Variants in HMGCLL1 observed in about 807,000 individuals in gnomAD.
HMGCLL1 encodes 3-hydroxy-3-methylglutaryl-CoA lyase like 1, also known as 3-hydroxymethyl-3-methylglutaryl-CoA lyase, cytoplasmic.
HMGCLL1 carries 36 observed loss-of-function variants against 39.1 expected under a neutral mutation model. The observed-to-expected ratio is 0.92, with a 90% CI of 0.71 to 1.22. The LOEUF is 1.22. Ranked by LOEUF, HMGCLL1 falls within the 50% of genes most tolerant of loss-of-function variation. The pLI, the probability that HMGCLL1 is intolerant of heterozygous loss-of-function variation, is 0.00. For missense variants in HMGCLL1, 451 were observed against 416.5 expected (o/e 1.08, Z -0.72); for synonymous variants, 149 against 144.0 (o/e 1.03, Z -0.25).
At chr6:55,604,715 GA>G in the HMGCLL1 span, among the ~76,000 whole-genome samples, 3 of 152,160 alleles carry the variant, frequency 2.0e-5, no homozygotes, top group East Asian at 3.9e-4. Flanking sequence ...CCATTTGGCA[GA>G]AAACCCAAAT....
upstream of HMGCLL1, among the ~76,000 whole-genome samples, chr6:55,581,692 G>A (rs1169295848): frequency 2.6e-5 from 4 of 151,966 alleles, no homozygotes; most frequent in Admixed American, 2.6e-4. Context: ...CAGGTTAGAA[G>A]CTTGGGCTCC....
intron 1 of HMGCLL1, among the ~76,000 whole-genome samples, chr6:55,561,810 T>C (rs1257358499): frequency 6.6e-6 from 1 of 152,268 alleles, no homozygotes; most frequent in East Asian, 1.9e-4. Flanking sequence ...TCTTTCATTT[T>C]ATTTCATTTC....
At chr6:55,596,014 A>G in the HMGCLL1 span, among the ~76,000 whole-genome samples, 3 of 152,136 alleles carry the variant, frequency 2.0e-5, no homozygotes, top group East Asian at 5.8e-4. Flanking sequence ...CTACATTGTG[A>G]TGGCGTTTTA....
chr6:55,617,278 C>G, the HMGCLL1 span, among the ~76,000 whole-genome samples: 1 of 152,090 alleles, frequency 6.6e-6, no homozygotes, highest in Non-Finnish European at 1.5e-5. Context: ...AGAATAACTT[C>G]TCATTAAGCC....
intron 3 of HMGCLL1, among the ~76,000 whole-genome samples, chr6:55,537,805 A>G (rs960439812): frequency 2.0e-5 from 3 of 152,156 alleles, no homozygotes; most frequent in Non-Finnish European, 2.9e-5. Flanking sequence ...CTCAAAAGCT[A>G]TGTGGGGGAA....
intron 7 of HMGCLL1, among the ~76,000 whole-genome samples, chr6:55,446,189 T>C (rs1763823102): frequency 6.6e-6 from 1 of 151,158 alleles, no homozygotes; most frequent in South Asian, 2.1e-4. Flanking sequence ...GAAGCAACTG[T>C]TATTAGTGCT....
intron 1 of HMGCLL1, among the ~76,000 whole-genome samples, chr6:55,571,983 G>T (rs192843235): frequency 2.6e-4 from 40 of 151,878 alleles, no homozygotes; most frequent in Admixed American, 9.8e-4. Context: ...CTAAAATCAA[G>T]TGAGCTAAAT....
At chr6:55,452,318 T>C (rs1013572130) in intron 7 of HMGCLL1, among the ~76,000 whole-genome samples, 1 of 152,106 alleles carries the variant, frequency 6.6e-6, no homozygotes, top group African/African-American at 2.4e-5. Context: ...TCACCCAGAC[T>C]TAGAACAGAC....
intron 7 of HMGCLL1, among the ~76,000 whole-genome samples, chr6:55,473,129 G>C (rs1234770806): frequency 2.0e-5 from 3 of 151,134 alleles, no homozygotes; most frequent in African/African-American, 7.3e-5. Context: ...TAACATACCT[G>C]AGTATATTAA....
At chr6:55,511,326 C>A (rs9296790) in intron 5 of HMGCLL1, among the ~76,000 whole-genome samples, 1 of 151,360 alleles carries the variant, frequency 6.6e-6, no homozygotes, top group Non-Finnish European at 1.5e-5. Context: ...CATGGTATCT[C>A]TTCACAATGT....
intron 7 of HMGCLL1, among the ~76,000 whole-genome samples, chr6:55,472,436 TC>T (rs1433298393): frequency 6.7e-6 from 1 of 149,880 alleles, no homozygotes; most frequent in Non-Finnish European, 1.5e-5. Flanking sequence ...CAGTGTCTCT[TC>T]AAGTTATTTG....
chr6:55,547,670 T>C (rs1770068927), intron 1 of HMGCLL1, among the ~76,000 whole-genome samples: 1 of 152,002 alleles, frequency 6.6e-6, no homozygotes, highest in African/African-American at 2.4e-5. Context: ...ATCAGGAAAT[T>C]GTGTGACTTT....
intron 1 of HMGCLL1, among the ~76,000 whole-genome samples, chr6:55,557,684 G>A (rs1039860725): frequency 4.6e-5 from 7 of 152,060 alleles, no homozygotes; most frequent in African/African-American, 1.4e-4. Flanking sequence ...GGGGTGGTCT[G>A]GGGCCACTGA....
chr6:55,464,745 C>A (rs1391434907), intron 7 of HMGCLL1, among the ~76,000 whole-genome samples: 1 of 152,124 alleles, frequency 6.6e-6, no homozygotes, highest in African/African-American at 2.4e-5. Flanking sequence ...GTGTTTGCTA[C>A]TCATCTCATC....
intron 7 of HMGCLL1, among the ~76,000 whole-genome samples, chr6:55,492,092 A>C (rs1357438319): frequency 6.6e-6 from 1 of 152,034 alleles, no homozygotes; most frequent in East Asian, 1.9e-4. Context: ...CCTTGCCTTA[A>C]TATTAACTTC....
At chr6:55,510,144 G>C (rs978413478) in intron 5 of HMGCLL1, among the ~76,000 whole-genome samples, 3 of 151,764 alleles carry the variant, frequency 2.0e-5, no homozygotes, top group Non-Finnish European at 2.9e-5. Context: ...GTGGCTCCTA[G>C]GAAAAATGTT....
In HMGCLL1 at chr6:55,519,613, A is replaced by G. The variant is rs573247123; in HGVS notation, c.298-3010T>C. On this transcript the variant is annotated intron_variant, in intron 3 of 8. Coordinates refer to ENST00000274901, the MANE Select transcript of HMGCLL1 (RefSeq NM_001042406.2). ...AGCAAACTTATTTCCGATAATAAGC[A>G]GAAAGAAAAGCAAAGTTTTAGGATA... is the stretch of plus-strand genomic sequence containing the variant. 3.7e-4 allele frequency among the ~76,000 whole-genome samples: 57 copies of G among 152,294 alleles called. No individual in the cohort carries two copies. The East Asian group carries it at 9.1e-3, about 24-fold the overall frequency.
intron 3 of HMGCLL1, among the ~76,000 whole-genome samples, chr6:55,538,865 C>T (rs1769178970): frequency 6.6e-6 from 1 of 151,676 alleles, no homozygotes; most frequent in Admixed American, 6.6e-5. Flanking sequence ...CTATAAACAG[C>T]AGTGACAATG....
intron 5 of HMGCLL1, among the ~76,000 whole-genome samples, chr6:55,499,822 T>C: frequency 6.6e-6 from 1 of 151,968 alleles, no homozygotes; most frequent in East Asian, 1.9e-4. Context: ...CTCTCTCTCA[T>C]GGGTTTACCT....
Sources: allele counts gnomAD v4.1 joint callset (sites outside exome capture counted in the v4.1 genomes callset), GRCh38; gene constraint gnomAD v4.1.1; transcripts MANE v1.5; gene names NCBI Gene and HGNC (gene_info 2026-07-23, HGNC 2026-07-21).